SH3RF2: variants seen among roughly 807,000 people sequenced by gnomAD.
SH3RF2 encodes SH3 domain containing ring finger 2, also known as E3 ubiquitin-protein ligase SH3RF2.
In SH3RF2, 43 loss-of-function variants were observed where a neutral mutation model predicts 59.0. The observed-to-expected ratio is 0.73, with a 90% CI of 0.57 to 0.94. The LOEUF is 0.94. Among genes scored for constraint, SH3RF2 ranks in the 40% least tolerant of loss-of-function variants. SH3RF2 has a pLI of 0.00. For synonymous variants in SH3RF2, 391 were observed against 391.5 expected (o/e 1.00, Z 0.01); for missense variants, 930 against 940.1 (o/e 0.99, Z 0.14).
At position 146,004,116 on chromosome 5, in the gene SH3RF2, G is replaced by A; in HGVS notation, c.707G>A (p.Gly236Glu). Residue 236 changes from glycine to glutamate, a missense_variant, in exon 4 of 10, where the codon GGA (glycine) becomes GAA (glutamate). By Grantham distance (98) the Gly-to-Glu change is moderately conservative. Coordinates refer to ENST00000359120, the MANE Select transcript of SH3RF2 (RefSeq NM_152550.4). ...GAGAACTGGGCAGAAGGCAAGTTAG[G>A]AGATAAAGTAGGCATCTTCCCTATC... ...VDENWAEGKL[G>E]DKVGIFPILF... 1 of 1,613,106 alleles carries A rather than the reference G, an allele frequency of 6.2e-7. No homozygotes were observed. Among genetic ancestry groups the A allele is most frequent in the Non-Finnish European group, 8.5e-7 (1 of 1,179,236 alleles).
In SH3RF2 at chr5:145,938,424, G is replaced by A; in HGVS notation, c.378+118G>A. On this transcript the variant is annotated intron_variant, in intron 2 of 9. Coordinates refer to ENST00000359120, the MANE Select transcript of SH3RF2 (RefSeq NM_152550.4). The stretch of plus-strand genomic sequence containing the variant: ...CCAGAGTGCTGCTGTTGATTTCCCA[G>A]TGATAAGTTTCTGTGGGCAGTGATC... 4 of 1,236,982 alleles carry A rather than the reference G, an allele frequency of 3.2e-6. 1 individual carries two copies. In the South Asian group the frequency reaches 7.7e-5, roughly 24 times the overall value. 76.6% of individuals were successfully genotyped at this position (1,236,982 alleles called of 1,614,324 possible).
intron 2 of SH3RF2, among the ~76,000 whole-genome samples, chr5:145,983,197 A>G (rs1302518995): frequency 1.3e-5 from 2 of 151,926 alleles, no homozygotes; most frequent in African/African-American, 4.8e-5. Flanking sequence ...TTGGTAGCCA[A>G]AATAGGAGTA....
intron 2 of SH3RF2, among the ~76,000 whole-genome samples, chr5:145,965,137 G>A (rs1212463927): frequency 1.3e-5 from 2 of 151,954 alleles, no homozygotes; most frequent in African/African-American, 2.4e-5. Flanking sequence ...AGGTTGCAAT[G>A]AGCTGAGATC....
intron 4 of SH3RF2, among the ~76,000 whole-genome samples, chr5:146,009,198 A>G (rs1561739087): frequency 6.6e-6 from 1 of 152,218 alleles, no homozygotes; most frequent in Non-Finnish European, 1.5e-5. Context: ...TTTCTAAGAC[A>G]CTGCCAAACA....
chr5:145,984,910 A>C (rs1392197617), intron 2 of SH3RF2, among the ~76,000 whole-genome samples: 6 of 152,184 alleles, frequency 3.9e-5, no homozygotes, highest in Admixed American at 1.3e-4. Flanking sequence ...TAATCCCAGC[A>C]CTTTAGGAGG....
chr5:145,949,770 A>G (rs995743000), intron 2 of SH3RF2, among the ~76,000 whole-genome samples: 2 of 152,198 alleles, frequency 1.3e-5, no homozygotes, highest in African/African-American at 4.8e-5. Flanking sequence ...TTAACAGGGG[A>G]AAAAGAAACA....
At position 146,056,110 on chromosome 5, in the gene SH3RF2, C is replaced by T. The variant is rs376471247; in HGVS notation, c.1452C>T (p.Ser484=). The change falls in exon 8 of 10, where the codon TCC becomes TCT. Residue 484 remains serine (S), a synonymous_variant. Transcript: ENST00000359120. ...CACGGCAAAGCCGTCCCTTCAAATC[C>T]GTCTTTGTGCCCACTGCCATAGTCA... ...GDPRQSRPFK[S]VFVPTAIVNP... is the part of the protein sequence containing the mutation. 38 of 1,614,082 alleles carry T rather than the reference C, an allele frequency of 2.4e-5. No homozygotes were observed. Among genetic ancestry groups the T allele is most frequent in the Non-Finnish European group, 3.0e-5 (35 of 1,180,044 alleles).
exon 10 of SH3RF2, chr5:146,080,639 A>G (rs760040409): frequency 5.3e-5 from 8 of 152,182 alleles, no homozygotes; most frequent in Non-Finnish European, 8.8e-5. Flanking sequence ...TGTAAAGCCA[A>G]GAGGTGTGGG....
At chr5:145,990,713 A>T (rs1461774762) in intron 2 of SH3RF2, among the ~76,000 whole-genome samples, 1 of 152,230 alleles carries the variant, frequency 6.6e-6, no homozygotes, top group Non-Finnish European at 1.5e-5. Flanking sequence ...ACAAAAGCAT[A>T]GAGTCTTGAG....
At chr5:145,959,615 A>ATGTGTGTGTG (rs35295719) in intron 2 of SH3RF2, among the ~76,000 whole-genome samples, 5 of 145,412 alleles carry the variant, frequency 3.4e-5, no homozygotes, top group Admixed American at 1.4e-4. Context: ...CTATATATAT[A>ATGTGTGTGTG]TGTGTGTGTG....
intron 2 of SH3RF2, among the ~76,000 whole-genome samples, chr5:145,967,365 C>A (rs1413678959): frequency 3.3e-5 from 5 of 151,960 alleles, no homozygotes; most frequent in Non-Finnish European, 1.5e-5. Context: ...CTGTAAGATA[C>A]CTCAAGAAAA....
At chr5:146,064,801 AAGGAAG>A (rs1580950164), downstream of SH3RF2, among the ~76,000 whole-genome samples, 1 of 33,968 alleles carries the variant, frequency 2.9e-5, no homozygotes, top group African/African-American at 8.8e-5. Flanking sequence ...GGAAGGAAGG[AAGGAAG>A]GAAAGAAAGA....
At chr5:146,032,195 C>T (rs73793809) in intron 5 of SH3RF2, among the ~76,000 whole-genome samples, 2,590 of 152,222 alleles carry the variant, frequency 0.017, 72 homozygotes, top group African/African-American at 0.057. Flanking sequence ...GAATGAGGCA[C>T]ATGGAAAGCC....
chr5:146,013,049 A>G lies in SH3RF2; in HGVS notation c.745-698A>G, dbSNP rs73792799. 8.2e-4 allele frequency among the ~76,000 whole-genome samples: 125 copies of G among 152,286 alleles called. 1 individual carries two copies. Among genetic ancestry groups the G allele is most frequent in the African/African-American group, 2.9e-3 (119 of 41,556 alleles). ...TAGAACAAGGAAGAATGGTGATTAC[A>G]TGAACATATTTAAAGGAAGTAGTAA... On this transcript the variant is annotated intron_variant, in intron 4 of 9. Transcript: ENST00000359120.
rs1464201433 is a variant in SH3RF2, at chr5:146,062,875, G to C, written c.*174G>C. On this transcript the variant is annotated 3_prime_UTR_variant, in exon 10 of 10. Coordinates refer to ENST00000359120, the MANE Select transcript of SH3RF2 (RefSeq NM_152550.4). ...CAGAAATTCCTGCCCTGGGTGGGAG[G>C]ATAGATGGCGTGGCCTTCCAAACAT... 3 of 806,020 alleles carry C rather than the reference G, an allele frequency of 3.7e-6. No homozygotes were observed. In the South Asian group the frequency reaches 5.6e-5, roughly 15 times the overall value. The allele number at this position is 806,020 out of a possible 1,614,324, so 49.9% of individuals were successfully genotyped here.
intron 5 of SH3RF2, among the ~76,000 whole-genome samples, chr5:146,022,253 G>A (rs1041358395): frequency 2.0e-5 from 3 of 152,158 alleles, no homozygotes; most frequent in African/African-American, 7.2e-5. Context: ...TGTTGCCCCG[G>A]CTGAAGTGCA....
chr5:146,002,408 G>A (rs576892393), intron 3 of SH3RF2, among the ~76,000 whole-genome samples: 8 of 151,172 alleles, frequency 5.3e-5, no homozygotes, highest in South Asian at 2.1e-4. Flanking sequence ...CCAAGTTCGC[G>A]CCATTGCACT....
chr5:145,962,764 A>G (rs1463236153), intron 2 of SH3RF2, among the ~76,000 whole-genome samples: 2 of 152,156 alleles, frequency 1.3e-5, no homozygotes, highest in Non-Finnish European at 2.9e-5. Context: ...GTCTGAGTCA[A>G]GACACCCTTA....
intron 2 of SH3RF2, among the ~76,000 whole-genome samples, chr5:145,964,793 C>T (rs977016052): frequency 6.6e-6 from 1 of 152,146 alleles, no homozygotes; most frequent in Non-Finnish European, 1.5e-5. Context: ...ACAAAGCACG[C>T]TCCAGCAGAA....
Sources: allele counts gnomAD v4.1 joint callset (sites outside exome capture counted in the v4.1 genomes callset), GRCh38; gene constraint gnomAD v4.1.1; transcripts MANE v1.5; gene names NCBI Gene and HGNC (gene_info 2026-07-23, HGNC 2026-07-21).